The following ZFYVE16 variants were observed in gnomAD, a reference collection of about 807,000 sequenced individuals.
ZFYVE16 encodes zinc finger FYVE-type containing 16, also known as zinc finger FYVE domain-containing protein 16.
In ZFYVE16, 89 loss-of-function variants were observed where a neutral mutation model predicts 138.1. The observed-to-expected ratio is 0.64, with a 90% CI of 0.54 to 0.77. The LOEUF (loss-of-function observed/expected upper bound fraction) is 0.77, where lower values mean the gene tolerates loss of function less well. ZFYVE16 is among the 30% of genes least tolerant of loss of function. The pLI is 0.00. For synonymous variants in ZFYVE16, 596 were observed against 618.3 expected (o/e 0.96, Z 0.53); for missense variants, 1,793 against 1,786.7 (o/e 1.00, Z -0.06).
chr5:80,445,382 C>T lies in ZFYVE16; in HGVS notation c.2701C>T (p.Pro901Ser), dbSNP rs770205703. 8 of 1,613,528 alleles carry T rather than the reference C, an allele frequency of 5.0e-6. No homozygotes were observed. Among genetic ancestry groups the T allele is most frequent in the Non-Finnish European group, 6.8e-6 (8 of 1,179,834 alleles). ...GSKRCSEDFSPLSPDVPMTVN... is the reference protein window; with the variant it reads ...GSKRCSEDFSSLSPDVPMTVN... ...TAAAAGATGTTCTGAAGACTTTAGT[C>T]CTCTCTCACCTGATGTGCCTATGGT... The change falls in exon 7 of 19, where the codon CCT (proline) becomes TCT (serine). Residue 901 changes from proline to serine, a missense_variant. By Grantham distance (74) the Pro-to-Ser change is moderately conservative (BLOSUM62 -1). Coordinates refer to ENST00000505560, the MANE Select transcript of ZFYVE16 (RefSeq NM_001284236.3).
Position 80,438,294 on chromosome 5 carries a change from C to T in ZFYVE16, c.1609C>T (p.Leu537=), listed in dbSNP as rs147849495. The change falls in exon 4 of 19, where the codon CTG becomes TTG. Residue 537 remains leucine (L), a synonymous_variant. Transcript: ENST00000505560. The stretch of plus-strand genomic sequence containing the variant: ...TAGTGATGCTGAACTTGATGCCTTT[C>T]TGACAGAACAGTATCTTCAGACCAC... The part of the protein sequence containing the change: ...LISDAELDAF[L]TEQYLQTTNI... The T allele has an allele frequency of 1.8e-4, 290 of 1,613,994 alleles. No individual in the cohort carries two copies. In the African/African-American group the frequency reaches 3.4e-3, roughly 19 times the overall value.
At chr5:80,423,098 GTAT>G (rs1372636557) in intron 1 of ZFYVE16, among the ~76,000 whole-genome samples, 5 of 152,032 alleles carry the variant, frequency 3.3e-5, no homozygotes, top group Admixed American at 6.6e-5. Context: ...TAGAGAATTG[GTAT>G]TATTTTTTCT....
rs1457065301 is a variant in ZFYVE16 at position 80,457,001 on chromosome 5, C to T, written c.3852C>T (p.Phe1284=). 3 of 1,611,500 alleles carry T rather than the reference C, an allele frequency of 1.9e-6. No homozygotes were observed. The highest frequency in any genetic ancestry group is 1.3e-5 in the African/African-American group (1 of 74,784). ...ATGTCATTAGCATTGGAGCAAGTTT[C>T]AGTACAGAAGCAGATTCTCATCTAG... The part of the protein sequence containing the change: ...NEHVISIGAS[F]STEADSHLVC... Residue 1284 remains phenylalanine, a synonymous_variant, in exon 14 of 19, where the codon TTC becomes TTT. Coordinates refer to ENST00000505560, the MANE Select transcript of ZFYVE16 (RefSeq NM_001284236.3).
rs570768741 is a variant in ZFYVE16 at position 80,460,775 on chromosome 5, TCTGTA to T, written c.4024+1283_4024+1287del. Among the ~76,000 whole-genome samples the T allele has an allele frequency of 2.0e-3, 304 of 152,310 alleles. 2 individuals are homozygous for T. The highest frequency in any genetic ancestry group is 7.0e-3 in the African/African-American group (291 of 41,574). Reference sequence around the variant, plus strand: ...TTTTGTTTTAGTCAGTTTGCTTAACTCTGTACCGATTCCATACTATTTTATTATCA... The same window carrying T: ...TTTTGTTTTAGTCAGTTTGCTTAACTCCGATTCCATACTATTTTATTATCA... On this transcript the variant is annotated intron_variant, in intron 15 of 18. Transcript: ENST00000505560.
chr5:80,476,680 A>G (rs890288337), intron 18 of ZFYVE16, among the ~76,000 whole-genome samples: 10 of 152,198 alleles, frequency 6.6e-5, no homozygotes, highest in Admixed American at 1.3e-4. Flanking sequence ...CAGCCAGGAT[A>G]TATTTTACTC....
At chr5:80,443,970 T>A (rs1561288056) in intron 6 of ZFYVE16, 2 of 361,692 alleles carry the variant, frequency 5.5e-6, no homozygotes, top group Admixed American at 3.6e-5. Flanking sequence ...TTTAATTGTG[T>A]ATTTTACCAC....
intron 1 of ZFYVE16, among the ~76,000 whole-genome samples, chr5:80,423,930 G>A (rs1054190765): frequency 2.1e-5 from 3 of 140,234 alleles, no homozygotes; most frequent in Non-Finnish European, 4.6e-5. Context: ...ATTGATTTTA[G>A]ATTTTTTTTT....
intron 1 of ZFYVE16, among the ~76,000 whole-genome samples, chr5:80,420,419 A>C (rs942886712): frequency 5.9e-5 from 9 of 152,070 alleles, no homozygotes; most frequent in Admixed American, 3.3e-4. Flanking sequence ...TACATTAGGT[A>C]TATCTCCTAA....
intron 9 of ZFYVE16, 76 bp downstream of exon 9, chr5:80,449,789 T>C: frequency 7.0e-7 from 1 of 1,429,984 alleles, no homozygotes; most frequent in South Asian, 1.4e-5. Context: ...AGGTTAGATT[T>C]TGACTGGCCA....
At chr5:80,455,797 T>A (rs752300418) in intron 12 of ZFYVE16, 23 bp downstream of exon 12, 1 of 1,541,400 alleles carries the variant, frequency 6.5e-7, no homozygotes, top group Non-Finnish European at 8.7e-7. Context: ...ACTATTTTAT[T>A]AGGTATTTTT....
At chr5:80,436,641 T>G (rs1749947897) in intron 3 of ZFYVE16, 115 bp from the exon 4 acceptor site, 11 of 924,042 alleles carry the variant, frequency 1.2e-5, no homozygotes, top group Admixed American at 3.1e-5. Flanking sequence ...TGCAAAAGGA[T>G]AATCTATGTT....
At position 80,437,773 on chromosome 5, in the gene ZFYVE16, C is replaced by T. The variant is rs201006225; in HGVS notation, c.1088C>T (p.Ala363Val). The change falls in exon 4 of 19, where the codon GCT becomes GTT. Residue 363 changes from alanine to valine, a missense_variant. Transcript: ENST00000505560. ...DNDVIQDSSSALHVSSKDVPS... is the reference protein window; with the variant it reads ...DNDVIQDSSSVLHVSSKDVPS... Reference sequence around the variant, plus strand: ...GATGTAATCCAAGATTCCTCTTCAGCTTTACATGTTTCCAGTAAAGATGTG... The same window carrying T: ...GATGTAATCCAAGATTCCTCTTCAGTTTTACATGTTTCCAGTAAAGATGTG... 6.2e-7 allele frequency: 1 copy of T among 1,614,094 alleles called. No homozygotes were observed. Among genetic ancestry groups the T allele is most frequent in the East Asian group, 2.2e-5 (1 of 44,884 alleles).
At chr5:80,425,456 C>A (rs1045970056) in intron 1 of ZFYVE16, among the ~76,000 whole-genome samples, 8 of 152,198 alleles carry the variant, frequency 5.3e-5, no homozygotes, top group African/African-American at 1.9e-4. Context: ...TCCTAGTCCC[C>A]ATGCTAGGTA....
At chr5:80,429,759 A>G (rs766902816) in intron 2 of ZFYVE16, among the ~76,000 whole-genome samples, 11 of 151,788 alleles carry the variant, frequency 7.2e-5, no homozygotes, top group Admixed American at 1.3e-4. Context: ...GGAAAAAGAT[A>G]TACCAAACAC....
At chr5:80,470,570 G>A (rs1330527827) in intron 15 of ZFYVE16, among the ~76,000 whole-genome samples, 2 of 151,984 alleles carry the variant, frequency 1.3e-5, no homozygotes, top group Admixed American at 6.6e-5. Context: ...GGAGTGCAGT[G>A]GTACAGTCAT....
chr5:80,432,577 T>C (rs901080845), intron 2 of ZFYVE16, among the ~76,000 whole-genome samples: 7 of 152,106 alleles, frequency 4.6e-5, no homozygotes, highest in Non-Finnish European at 8.8e-5. Context: ...AAAGCCAAAA[T>C]TGACAAATGG....
chr5:80,454,232 T>C (rs1040171475), intron 11 of ZFYVE16: 2 of 152,216 alleles, frequency 1.3e-5, no homozygotes, highest in East Asian at 3.8e-4. Flanking sequence ...TCTTTAGAAT[T>C]TTAAGGAAGT....
In ZFYVE16 at chr5:80,438,511, T is replaced by C; in HGVS notation, c.1826T>C (p.Leu609Pro). Residue 609 changes from leucine (L) to proline (P), a missense_variant, in exon 4 of 19, where the codon CTT (leucine) becomes CCT (proline). Leu to Pro is a moderately conservative substitution (Grantham distance 98). Around this residue, in one of 2 missense-constraint regions of ZFYVE16, gnomAD observed 1,295 missense variants for 1,204.3 expected, o/e 1.08. Transcript: ENST00000505560. ...AAACAAAATACAATAGAAAATGGCC[T>C]TTCTTTAGGAGAAAAAAGCACTATT... ...VDKQNTIENG[L>P]SLGEKSTIPV... The C allele has an allele frequency of 1.9e-6, 3 of 1,613,686 alleles. No homozygotes were observed. The highest frequency in any genetic ancestry group is 2.5e-6 in the Non-Finnish European group (3 of 1,179,852).
intron 10 of ZFYVE16, 63 bp downstream of exon 10, chr5:80,450,649 T>A: frequency 6.6e-7 from 1 of 1,519,102 alleles, no homozygotes; most frequent in Non-Finnish European, 8.9e-7. Context: ...AAGGCATTTA[T>A]GGTTTTGGCT....
Sources: gnomAD v4.1 joint callset for allele counts (sites outside exome capture counted in the v4.1 genomes callset) on GRCh38, gnomAD v4.1.1 for gene constraint, gnomAD v4.1.1 regional missense constraint, MANE v1.5 for transcripts, NCBI Gene and HGNC (gene_info 2026-07-23, HGNC 2026-07-21) for gene names.